Variants in WDR20 observed in about 807,000 individuals in gnomAD.
The protein encoded by WDR20 is WD repeat-containing protein 20.
A neutral mutation model predicts 38.7 loss-of-function variants in WDR20; 3 were observed. The observed-to-expected ratio is 0.08, with a 90% CI of 0.04 to 0.20. The LOEUF (loss-of-function observed/expected upper bound fraction) is 0.20, where lower values mean the gene tolerates loss of function less well. Ranked by LOEUF, WDR20 falls within the 10% of genes least tolerant of loss-of-function variation. WDR20 has a pLI of 1.00. For missense variants in WDR20, 559 were observed against 727.7 expected (o/e 0.77, Z 2.67); for synonymous variants, 298 against 285.6 (o/e 1.04, Z -0.44).
chr14:102,203,142 C>T (rs990443026), intron 2 of WDR20, among the ~76,000 whole-genome samples: 3 of 152,220 alleles, frequency 2.0e-5, no homozygotes, highest in Non-Finnish European at 2.9e-5. Flanking sequence ...TCATGTTATT[C>T]TGCCACTTCC....
At chr14:102,173,339 C>T (rs2061363264) in intron 1 of WDR20, among the ~76,000 whole-genome samples, 1 of 151,554 alleles carries the variant, frequency 6.6e-6, no homozygotes, top group South Asian at 2.1e-4. Flanking sequence ...GTCTCAAACT[C>T]CTGAGCTCAG....
At chr14:102,186,354 A>G (rs929216603) in intron 1 of WDR20, among the ~76,000 whole-genome samples, 2 of 152,188 alleles carry the variant, frequency 1.3e-5, no homozygotes, top group African/African-American at 2.4e-5. Context: ...CTGTTCGCCT[A>G]CACATGAAGT....
chr14:102,222,316 T>C lies in WDR20; in HGVS notation c.1693-514T>C, dbSNP rs1228385728. Among the ~76,000 whole-genome samples the C allele has an allele frequency of 2.0e-5, 3 of 151,910 alleles. No individual in the cohort carries two copies. Among genetic ancestry groups the C allele is most frequent in the Admixed American group, 2.0e-4 (3 of 15,252 alleles). ...CATGTGGACAGCTACAGCCAGGGGG[T>C]GCCACGGTCACACCACCCAACAAAG... On this transcript the variant is annotated intron_variant, in intron 3 of 3. Transcript: ENST00000335263. The surrounding 1 kb of genome is among the most constrained non-coding windows in gnomAD (Gnocchi z 4.4).
At chr14:102,202,234 CAG>C (rs1317911420) in intron 2 of WDR20, among the ~76,000 whole-genome samples, 2 of 152,108 alleles carry the variant, frequency 1.3e-5, no homozygotes, top group East Asian at 3.9e-4. Context: ...CCTCAAGTCT[CAG>C]AGGCCTGTCC....
intron 1 of WDR20, among the ~76,000 whole-genome samples, chr14:102,166,180 C>T (rs374411908): frequency 6.7e-5 from 10 of 150,016 alleles, no homozygotes; most frequent in East Asian, 4.0e-4. Flanking sequence ...CGGGTTTTGC[C>T]GTTGCCCAAG....
intron 2 of WDR20, among the ~76,000 whole-genome samples, chr14:102,199,499 G>T (rs1054490815): frequency 6.6e-6 from 1 of 152,062 alleles, no homozygotes; most frequent in African/African-American, 2.4e-5. Flanking sequence ...GGCAACCCAG[G>T]CAGAGAGTCA....
intron 1 of WDR20, among the ~76,000 whole-genome samples, chr14:102,167,134 CATTAT>C (rs2059921869): frequency 6.6e-6 from 1 of 152,200 alleles, no homozygotes; most frequent in African/African-American, 2.4e-5. Context: ...CTCTTCCCTT[CATTAT>C]ATCTTTCTGA....
intron 2 of WDR20, among the ~76,000 whole-genome samples, chr14:102,200,457 A>ATTTTTTTTTT (rs746438768): frequency 1.8e-5 from 2 of 110,996 alleles, no homozygotes; most frequent in African/African-American, 3.6e-5. Context: ...TACTTTTTAA[A>ATTTTTTTTTT]TTTTTTTTTT....
At chr14:102,165,783 C>T (rs1190356563) in intron 1 of WDR20, among the ~76,000 whole-genome samples, 1 of 151,424 alleles carries the variant, frequency 6.6e-6, no homozygotes, top group Non-Finnish European at 1.5e-5. Context: ...ACTACAGGCA[C>T]GTGCCACCAT....
At position 102,153,901 on chromosome 14, in the gene WDR20, T is replaced by G. The variant is rs559744230; in HGVS notation, c.249+13729T>G. On this transcript the variant is annotated intron_variant, in intron 1 of 2. Coordinates refer to ENST00000342702, the MANE Select transcript of WDR20 (RefSeq NM_144574.4). ...AGTAATATCACTCTTTTAAATACCC[T>G]TTGTCTGGGTACAGTGGCTCATGCC... 3.3e-5 allele frequency among the ~76,000 whole-genome samples: 5 copies of G among 152,340 alleles called. No homozygotes were observed. The South Asian group carries it at 1.0e-3, about 32-fold the overall frequency.
rs761196768 is a variant in WDR20, at chr14:102,176,614, CT to C, written c.250-18313del. 5.8e-3 allele frequency among the ~76,000 whole-genome samples: 843 copies of C among 145,646 alleles called. 6 individuals carry two copies. The highest frequency in any genetic ancestry group is 0.016 in the African/African-American group (656 of 39,976). ...GATATTGGTCTGTAGTTTTCTTTCC[CT>C]TTTTTTTTTTGGTTATATTCTTTCT... is the stretch of plus-strand genomic sequence containing the variant. On this transcript the variant is annotated intron_variant, in intron 1 of 2. Transcript: ENST00000342702.
intron 1 of WDR20, among the ~76,000 whole-genome samples, chr14:102,155,284 T>C (rs1292490662): frequency 6.6e-6 from 1 of 152,232 alleles, no homozygotes. Context: ...ATGTAAGATA[T>C]TTCTTTTAGT....
chr14:102,173,415 G>GT (rs1269101046), intron 1 of WDR20, among the ~76,000 whole-genome samples: 2 of 148,796 alleles, frequency 1.3e-5, no homozygotes, highest in Admixed American at 1.3e-4. Context: ...CGCCCGGCCT[G>GT]TTTTTTTCTT....
intron 1 of WDR20, among the ~76,000 whole-genome samples, chr14:102,160,947 C>CAAAAA (rs57488628): frequency 3.7e-5 from 2 of 54,648 alleles, no homozygotes; most frequent in Middle Eastern, 0.012. Flanking sequence ...GACTCTGTCT[C>CAAAAA]AAAAAAAAAA....
downstream of WDR20, chr14:102,212,454 G>T (rs1225441673): frequency 1.3e-6 from 2 of 1,519,734 alleles, no homozygotes; most frequent in Non-Finnish European, 8.8e-7. Context: ...GCTGGCCCAG[G>T]CCCTGCAGGG....
chr14:102,182,668 T>C (rs574943993), intron 1 of WDR20, among the ~76,000 whole-genome samples: 212 of 152,076 alleles, frequency 1.4e-3, no homozygotes, highest in Non-Finnish European at 2.6e-3. Context: ...TGAAATAGTT[T>C]TAGTAGTTTT....
chr14:102,159,151 C>G (rs750608192), intron 1 of WDR20, among the ~76,000 whole-genome samples: 11 of 152,028 alleles, frequency 7.2e-5, no homozygotes, highest in Non-Finnish European at 1.6e-4. Flanking sequence ...CACTATGTTA[C>G]CCAGGCTGGT....
At chr14:102,214,374 C>T (rs527393331), downstream of WDR20, 3 of 985,368 alleles carry the variant, frequency 3.0e-6, no homozygotes, top group East Asian at 1.1e-4. Context: ...TTAGTCTGGC[C>T]GAAGTGAAGT....
In WDR20 at chr14:102,172,739, C is replaced by T. The variant is rs1482209361; in HGVS notation, c.250-22199C>T. ...ACCCCCACCTCCCTCCCGGACGGGG[C>T]GGCTGCCGGGCGGAGACGCTCCTCA... is the stretch of plus-strand genomic sequence containing the variant. On this transcript the variant is annotated intron_variant, in intron 1 of 2. Transcript: ENST00000342702. 4.2e-5 allele frequency among the ~76,000 whole-genome samples: 6 copies of T among 144,112 alleles called. 1 individual carries two copies. Among genetic ancestry groups the T allele is most frequent in the African/African-American group, 1.1e-4 (4 of 37,794 alleles). The allele number at this position is 144,112 out of a possible 152,430, so 94.5% of individuals were successfully genotyped here.
Sources: gnomAD v4.1 joint callset for allele counts (sites outside exome capture counted in the v4.1 genomes callset) on GRCh38, gnomAD v4.1.1 for gene constraint, Gnocchi (gnomAD v3.1) non-coding constraint, MANE v1.5 for transcripts, NCBI Gene and HGNC (gene_info 2026-07-23, HGNC 2026-07-21) for gene names.